Variants in TMIGD3 observed in about 807,000 individuals in gnomAD.
TMIGD3 encodes the protein transmembrane and immunoglobulin domain containing 3.
A neutral mutation model predicts 28.1 loss-of-function variants in TMIGD3; 21 were observed. That is an observed-to-expected ratio of 0.75 (90% CI 0.53 to 1.08). TMIGD3 has a LOEUF of 1.08. Among genes scored for constraint, TMIGD3 ranks in the 50% least tolerant of loss-of-function variants. TMIGD3 has a pLI of 0.00. For synonymous variants in TMIGD3, 151 were observed against 162.1 expected (o/e 0.93, Z 0.52); for missense variants, 416 against 435.6 (o/e 0.96, Z 0.40).
intron 1 of TMIGD3, among the ~76,000 whole-genome samples, chr1:111,519,926 C>G (rs1446729980): frequency 6.6e-6 from 1 of 152,150 alleles, no homozygotes; most frequent in East Asian, 1.9e-4. Flanking sequence ...CTCCTGACCT[C>G]AGGTGATCCA....
intron 1 of TMIGD3, among the ~76,000 whole-genome samples, chr1:111,509,741 T>C (rs925788785): frequency 6.6e-6 from 1 of 152,250 alleles, no homozygotes; most frequent in Non-Finnish European, 1.5e-5. Context: ...TCGTAATTAT[T>C]ACTGTAAGAG....
intron 1 of TMIGD3, among the ~76,000 whole-genome samples, chr1:111,531,889 T>A (rs370488502): frequency 6.6e-6 from 1 of 152,148 alleles, no homozygotes; most frequent in East Asian, 1.9e-4. Flanking sequence ...TGGAACATAG[T>A]TATGTTACTT....
At position 111,529,513 on chromosome 1, in the gene TMIGD3, CG is replaced by C. The variant is rs534387271; in HGVS notation, c.107+34332del. Among the ~76,000 whole-genome samples, 744 of 148,904 alleles carry C rather than the reference CG, an allele frequency of 5.0e-3. 6 individuals carry two copies. The highest frequency in any genetic ancestry group is 0.018 in the African/African-American group (714 of 40,128). ...TGGTTTTCCTAGGCAGAGGACCCTG[CG>C]GCCTTCCGCAGTGTTTGTGTCCCTG... On this transcript the variant is annotated intron_variant, in intron 1 of 5. Coordinates refer to the TMIGD3 transcript ENST00000369717.
At chr1:111,525,142 C>T (rs145163639) in intron 1 of TMIGD3, among the ~76,000 whole-genome samples, 70 of 152,226 alleles carry the variant, frequency 4.6e-4, no homozygotes, top group Middle Eastern at 3.4e-3. Context: ...ATGTATTCTA[C>T]TGTTGTTGTG....
rs78099910 is a variant in TMIGD3 at position 111,535,425 on chromosome 1, C to T, written c.107+28421G>A. Among the ~76,000 whole-genome samples, 1,427 of 152,290 alleles carry T rather than the reference C, an allele frequency of 9.4e-3. 17 individuals carry two copies. The highest frequency in any genetic ancestry group is 0.028 in the South Asian group (133 of 4,820). ...CCATCTGATTAGATGCTGTAAGCAG[C>T]GGGCATGGAATCCCTCTGGACTTTT... is the stretch of plus-strand genomic sequence containing the variant. On this transcript the variant is annotated intron_variant, in intron 1 of 5. Coordinates refer to the TMIGD3 transcript ENST00000369717.
At chr1:111,500,010 A>G (rs2229155) in intron 1 of TMIGD3, 1,310,039 of 1,613,974 alleles carry the variant, frequency 0.81, 532,628 homozygotes, top group Middle Eastern at 0.89. Flanking sequence ...AGACCACACA[A>G]GCTTTGAGGA....
intron 1 of TMIGD3, among the ~76,000 whole-genome samples, chr1:111,531,266 A>G (rs1236577211): frequency 4.6e-5 from 7 of 151,946 alleles, no homozygotes; most frequent in Admixed American, 4.6e-4. Flanking sequence ...TGACAGAGCA[A>G]CACCTGTCTC....
At chr1:111,502,620 T>C (rs1655297709) in intron 1 of TMIGD3, among the ~76,000 whole-genome samples, 1 of 150,556 alleles carries the variant, frequency 6.6e-6, no homozygotes, top group Non-Finnish European at 1.5e-5. Context: ...CCTCTTATGT[T>C]TATCTGCCTG....
chr1:111,529,376 CTTT>C (rs1016199558), intron 1 of TMIGD3, among the ~76,000 whole-genome samples: 180 of 101,326 alleles, frequency 1.8e-3, no homozygotes, highest in Admixed American at 0.013. Context: ...TTCTTTCTTT[CTTT>C]TTTTTTTAAT....
intron 1 of TMIGD3, among the ~76,000 whole-genome samples, chr1:111,514,383 AAAAAAATTCAG>A (rs1655789946): frequency 6.6e-6 from 1 of 152,108 alleles, no homozygotes; most frequent in South Asian, 2.1e-4. Flanking sequence ...TGTCTCTACA[AAAAAAATTCAG>A]AAAAAATTAG....
At position 111,485,788 on chromosome 1, in the gene TMIGD3, C is replaced by T. The variant is rs1654336378; in HGVS notation, c.925G>A (p.Val309Ile). Reference protein sequence around the residue: ...ILITGLGIISVISHLTKRRRS... With the variant: ...ILITGLGIISIISHLTKRRRS... The stretch of plus-strand genomic sequence containing the variant: ...CTCCTTTTGGTCAAATGACTGATTA[C>T]AGAGATGATTCCCAAACCCGTGATC... The change falls in exon 5 of 6, where the codon GTA becomes ATA. Residue 309 changes from valine to isoleucine, a missense_variant. Physicochemically the swap from Val to Ile is conservative, Grantham distance 29. Coordinates refer to ENST00000369716, the MANE Select transcript of TMIGD3 (RefSeq NM_020683.7). 4 of 1,462,260 alleles carry T rather than the reference C, an allele frequency of 2.7e-6. No homozygotes were observed. The highest frequency in any genetic ancestry group is 1.9e-4 in the Middle Eastern group (1 of 5,314). The allele number at this position is 1,462,260 out of a possible 1,614,324, so 90.6% of individuals were successfully genotyped here. A position where few individuals can be genotyped will look rare whatever the true frequency, so the allele number is the denominator to read the frequency against.
At chr1:111,560,891 A>G (rs1451093523) in intron 1 of TMIGD3, among the ~76,000 whole-genome samples, 1 of 152,280 alleles carries the variant, frequency 6.6e-6, no homozygotes, top group East Asian at 1.9e-4. Context: ...CTCTTGCTTC[A>G]GGACCTGTAG....
chr1:111,510,426 T>C (rs963716829), intron 1 of TMIGD3, among the ~76,000 whole-genome samples: 4 of 152,166 alleles, frequency 2.6e-5, no homozygotes, highest in African/African-American at 7.2e-5. Flanking sequence ...TAAAGTTTCA[T>C]AGGATAAATT....
intron 2 of TMIGD3, 88 bp downstream of exon 2, chr1:111,490,568 A>G (rs2100961950): frequency 1.1e-6 from 1 of 941,426 alleles, no homozygotes; most frequent in Non-Finnish European, 1.7e-6. Flanking sequence ...TTAATAAGCA[A>G]GGACTCCAAG....
chr1:111,516,279 A>C (rs955790604), intron 1 of TMIGD3, among the ~76,000 whole-genome samples: 7 of 152,222 alleles, frequency 4.6e-5, no homozygotes, highest in Non-Finnish European at 7.3e-5. Flanking sequence ...ACTTAAAAAT[A>C]GCACCCCCTC....
intron 1 of TMIGD3, among the ~76,000 whole-genome samples, chr1:111,513,082 T>C (rs1655745114): frequency 6.6e-6 from 1 of 152,196 alleles, no homozygotes; most frequent in Non-Finnish European, 1.5e-5. Context: ...TCCAGACATT[T>C]AGTCTTCCAG....
chr1:111,489,126 ATCG>A, intron 2 of TMIGD3, 102 bp from the exon 3 acceptor site: 2 of 1,161,326 alleles, frequency 1.7e-6, no homozygotes, highest in Non-Finnish European at 2.4e-6. Context: ...TAATTAAAGA[ATCG>A]GAGGCTGATT....
chr1:111,506,565 A>G (rs1046951683), upstream of TMIGD3, among the ~76,000 whole-genome samples: 2 of 152,222 alleles, frequency 1.3e-5, no homozygotes, highest in Admixed American at 6.5e-5. Context: ...CAGGTTCCGA[A>G]TGGCAGCCCT....
chr1:111,527,380 G>A (rs1238098245), intron 1 of TMIGD3, among the ~76,000 whole-genome samples: 17 of 152,262 alleles, frequency 1.1e-4, no homozygotes, highest in South Asian at 1.0e-3. Context: ...CTGTCTGCAT[G>A]TACCACAGTT....
Sources: gnomAD v4.1 joint callset for allele counts (sites outside exome capture counted in the v4.1 genomes callset) on GRCh38, gnomAD v4.1.1 for gene constraint, MANE v1.5 for transcripts, NCBI Gene and HGNC (gene_info 2026-07-23, HGNC 2026-07-21) for gene names.